ZNF701: variants seen among roughly 807,000 people sequenced by gnomAD.
The protein encoded by ZNF701 is zinc finger protein 701.
Under a neutral mutation model 7.1 loss-of-function variants are expected in ZNF701, and 6 were observed. The observed-to-expected ratio is 0.84, with a 90% CI of 0.46 to 1.66. The LOEUF (loss-of-function observed/expected upper bound fraction) is 1.66, where lower values mean the gene tolerates loss of function less well. Among genes scored for constraint, ZNF701 ranks in the 40% most tolerant of loss-of-function variants. The probability of loss-of-function intolerance (pLI) is 0.01; values close to 1 mark genes in which losing one functional copy is unlikely to be tolerated. For synonymous variants in ZNF701, 166 were observed against 188.2 expected, an observed-to-expected ratio of 0.88 and a Z score of 0.97; for missense variants, 541 against 559.2, an observed-to-expected ratio of 0.97 and a Z score of 0.33.
At position 52,582,568 on chromosome 19, in the gene ZNF701, A is replaced by T; in HGVS notation, c.509A>T (p.Asp170Val). The T allele has an allele frequency of 6.2e-7, 1 of 1,614,238 alleles. No homozygotes were observed. Among genetic ancestry groups the T allele is most frequent in the Non-Finnish European group, 8.5e-7 (1 of 1,180,036 alleles). ...AATCAAGTTGAGAAGGCTATCAACG[A>T]TGCTTTCTCAGTTTCAGCATCCCAA... is the stretch of plus-strand genomic sequence containing the variant. ...IGNQVEKAIN[D>V]AFSVSASQRI... Residue 170 changes from aspartate (D) to valine (V), a missense_variant, in exon 4 of 4, where the codon GAT becomes GTT. Coordinates refer to ENST00000391785, the MANE Select transcript of ZNF701 (RefSeq NM_018260.3).
intron 3 of ZNF701, among the ~76,000 whole-genome samples, chr19:52,578,243 G>A (rs71358886): frequency 8.7e-6 from 1 of 115,406 alleles, no homozygotes; most frequent in Admixed American, 1.1e-4. Context: ...GACAGAGTGA[G>A]ACTCCGTCTC....
rs1292434325 is a variant in ZNF701 at position 52,586,262 on chromosome 19, C to T, written c.*2805C>T. On this transcript the variant is annotated 3_prime_UTR_variant, in exon 4 of 4. Coordinates refer to ENST00000391785, the MANE Select transcript of ZNF701 (RefSeq NM_018260.3). ...TTGCCTTGTTGTCTAGGTTGGGCTC[C>T]AACTGCAGGGCTAAAGCGATCCAAG... 3 of 151,962 alleles carry T rather than the reference C, an allele frequency of 2.0e-5. No homozygotes were observed. Among genetic ancestry groups the T allele is most frequent in the African/African-American group, 7.3e-5 (3 of 41,332 alleles). 9.4% of individuals were successfully genotyped at this position (151,962 alleles called of 1,614,324 possible).
chr19:52,592,337 C>T, the ZNF701 span: 437,472 of 1,134,742 alleles, frequency 0.39, 86,258 homozygotes, highest in Middle Eastern at 0.48. Context: ...TTTTCATGTA[C>T]ATGTCATTGT....
At position 52,583,740 on chromosome 19, in the gene ZNF701, C is replaced by A; in HGVS notation, c.*283C>A. On this transcript the variant is annotated 3_prime_UTR_variant, in exon 4 of 4. Coordinates refer to ENST00000391785, the MANE Select transcript of ZNF701 (RefSeq NM_018260.3). Reference sequence around the variant, plus strand: ...TGAGTGTGGCAGAGCCTTTGGTGGTCAGTCAACACTTACTCACCATCAAGC... The same window carrying A: ...TGAGTGTGGCAGAGCCTTTGGTGGTAAGTCAACACTTACTCACCATCAAGC... The A allele has an allele frequency of 1.4e-6, 1 of 707,462 alleles. No homozygotes were observed. The highest frequency in any genetic ancestry group is 2.5e-6 in the Non-Finnish European group (1 of 393,928). The allele number at this position is 707,462 out of a possible 1,614,324, so 43.8% of individuals were successfully genotyped here.
the ZNF701 span, among the ~76,000 whole-genome samples, chr19:52,593,196 A>G: frequency 2.0e-3 from 241 of 118,310 alleles, 43 homozygotes; most frequent in South Asian, 0.012. Flanking sequence ...CACAGACACC[A>G]CAACCATCCG....
intron 1 of ZNF701, among the ~76,000 whole-genome samples, chr19:52,573,809 AC>A (rs1391806432): frequency 1.3e-5 from 2 of 152,170 alleles, no homozygotes; most frequent in Non-Finnish European, 2.9e-5. Flanking sequence ...GAGCCACCGC[AC>A]CGAGCCTCTG....
chr19:52,589,678 C>A (rs1025555478), downstream of ZNF701, among the ~76,000 whole-genome samples: 2 of 152,078 alleles, frequency 1.3e-5, no homozygotes, highest in African/African-American at 4.8e-5. Context: ...TGGTGTTTCA[C>A]CATGATGGCC....
chr19:52,592,341 T>C, the ZNF701 span: 24 of 1,118,090 alleles, frequency 2.1e-5, no homozygotes, highest in African/African-American at 2.5e-4. Flanking sequence ...CATGTACATG[T>C]CATTGTTTTC....
the ZNF701 span, chr19:52,597,500 T>C: frequency 3.7e-5 from 14 of 383,524 alleles, no homozygotes; most frequent in Admixed American, 3.9e-4. Flanking sequence ...TGAGATTGAG[T>C]TGACTTAACC....
intron 3 of ZNF701, among the ~76,000 whole-genome samples, chr19:52,577,634 C>T (rs510234): frequency 6.6e-6 from 1 of 151,728 alleles, no homozygotes; most frequent in Non-Finnish European, 1.5e-5. Context: ...CTGTCACACC[C>T]GCATAAGGGC....
chr19:52,586,497 C>T lies in ZNF701; in HGVS notation c.*3040C>T, dbSNP rs1007072160. The T allele has an allele frequency of 5.9e-5, 9 of 152,164 alleles. No individual in the cohort carries two copies. Among genetic ancestry groups the T allele is most frequent in the African/African-American group, 2.2e-4 (9 of 41,444 alleles). The allele number at this position is 152,164 out of a possible 1,614,324, so 9.4% of individuals were successfully genotyped here. Reference sequence around the variant, plus strand: ...CTCAAACTCCTCGGCTTAACTGATCCGCTTGCTTTGGCCTTCCAAAGTGCT... The same window carrying T: ...CTCAAACTCCTCGGCTTAACTGATCTGCTTGCTTTGGCCTTCCAAAGTGCT... On this transcript the variant is annotated 3_prime_UTR_variant, in exon 4 of 4. Transcript: ENST00000391785.
chr19:52,570,542 A>C (rs556174878), intron 1 of ZNF701: 1 of 152,202 alleles, frequency 6.6e-6, no homozygotes, highest in Non-Finnish European at 1.5e-5. Context: ...TTTCTGCTAC[A>C]GGGCGCTGTA....
intron 1 of ZNF701, among the ~76,000 whole-genome samples, chr19:52,571,875 G>A (rs11670795): frequency 6.6e-6 from 1 of 151,756 alleles, no homozygotes; most frequent in Non-Finnish European, 1.5e-5. Context: ...CCGTGCTGGA[G>A]TGCAATGGTG....
chr19:52,596,313 A>G, the ZNF701 span: 27 of 406,744 alleles, frequency 6.6e-5, no homozygotes, highest in African/African-American at 4.2e-4. Context: ...AAGACCTTCA[A>G]TCAGAAGTCA....
Position 52,580,734 on chromosome 19 carries a change from A to G in ZNF701, c.143-1468A>G, listed in dbSNP as rs118053560. On this transcript the variant is annotated intron_variant, in intron 3 of 3. Coordinates refer to ENST00000391785, the MANE Select transcript of ZNF701 (RefSeq NM_018260.3). ...CTGGCTTGTTTTATCAAGCCAGAAAATATTTATCAATATTTTATTAACTGA... is the reference window on the plus strand; with the variant it reads ...CTGGCTTGTTTTATCAAGCCAGAAAGTATTTATCAATATTTTATTAACTGA... 1.6e-3 allele frequency among the ~76,000 whole-genome samples: 247 copies of G among 152,294 alleles called. 5 individuals carry two copies. In the East Asian group the frequency reaches 0.036, roughly 22 times the overall value.
chr19:52,582,140 C>T (rs62117246), intron 3 of ZNF701, 62 bp from the exon 4 acceptor site: 227,860 of 1,354,560 alleles, frequency 0.17, 20,016 homozygotes, highest in Middle Eastern at 0.24. Flanking sequence ...AATATTTACA[C>T]ATTTCAGTAT....
chr19:52,595,667 A>G, the ZNF701 span: 5 of 1,312,398 alleles, frequency 3.8e-6, no homozygotes, highest in Non-Finnish European at 5.4e-6. Context: ...GCACGGTAAT[A>G]CAGGAGAAGT....
Position 52,587,082 on chromosome 19 carries a change from A to C in ZNF701, c.*3625A>C, listed in dbSNP as rs3339. The C allele has an allele frequency of 0.45, 68,849 of 151,958 alleles. 16,656 individuals carry two copies. The highest frequency in any genetic ancestry group is 0.7 in the East Asian group (3,607 of 5,138). 9.4% of individuals were successfully genotyped at this position (151,958 alleles called of 1,614,324 possible). On this transcript the variant is annotated 3_prime_UTR_variant, in exon 4 of 4. Coordinates refer to ENST00000391785, the MANE Select transcript of ZNF701 (RefSeq NM_018260.3). ...AACACATTCCCTTACAGTCCTACAC[A>C]TCTCAGATGAGGGTGACAGTGTACT...
Position 52,574,119 on chromosome 19 carries a change from A to AG in ZNF701, c.-28dup, listed in dbSNP as rs1371457115. 1.2e-6 allele frequency: 2 copies of AG among 1,612,292 alleles called. No individual in the cohort carries two copies. The highest frequency in any genetic ancestry group is 1.7e-6 in the Non-Finnish European group (2 of 1,179,290). On this transcript the variant is annotated 5_prime_UTR_variant, in exon 2 of 4. Coordinates refer to ENST00000391785, the MANE Select transcript of ZNF701 (RefSeq NM_018260.3). ...TTGGTACGTGAGGAAAAAACACGGA[A>AG]GAGGAAGAGGAAAGCAAAGGAGTCA...
Sources: gnomAD v4.1 joint callset for allele counts (sites outside exome capture counted in the v4.1 genomes callset) on GRCh38, gnomAD v4.1.1 for gene constraint, MANE v1.5 for transcripts, NCBI Gene and HGNC (gene_info 2026-07-23, HGNC 2026-07-21) for gene names.